The following LUC7L2 variants were observed in gnomAD, a reference collection of about 807,000 sequenced individuals.
LUC7L2 encodes the protein putative RNA-binding protein Luc7-like 2.
In LUC7L2, 25 loss-of-function variants were observed where a neutral mutation model predicts 52.8. The observed-to-expected ratio is 0.47, with a 90% CI of 0.34 to 0.66. LUC7L2 has a LOEUF of 0.66. Among genes scored for constraint, LUC7L2 ranks in the 30% least tolerant of loss-of-function variants. LUC7L2 has a pLI of 0.01. For synonymous variants in LUC7L2, 144 were observed against 160.9 expected, an observed-to-expected ratio of 0.89 and a Z score of 0.80; for missense variants, 328 against 497.8, an observed-to-expected ratio of 0.66 and a Z score of 3.25.
intron 1 of LUC7L2, among the ~76,000 whole-genome samples, chr7:139,361,647 T>G (rs1162663294): frequency 6.6e-6 from 1 of 152,238 alleles, no homozygotes; most frequent in Non-Finnish European, 1.5e-5. Flanking sequence ...GAGTTTTGTA[T>G]GGAAAGTTAA....
intron 8 of LUC7L2, chr7:139,417,176 G>A (rs1795659598): frequency 5.7e-6 from 1 of 175,472 alleles, no homozygotes; most frequent in Non-Finnish European, 1.2e-5. Flanking sequence ...GAGTAGCTGG[G>A]ACTACAGGCA....
intron 7 of LUC7L2, among the ~76,000 whole-genome samples, chr7:139,411,214 T>C (rs1795346894): frequency 6.6e-6 from 1 of 152,242 alleles, no homozygotes; most frequent in Non-Finnish European, 1.5e-5. Context: ...AATGGCAAGT[T>C]TCTTTTGACA....
At chr7:139,351,454 T>G (rs1563251136) in intron 1 of LUC7L2, among the ~76,000 whole-genome samples, 1 of 152,240 alleles carries the variant, frequency 6.6e-6, no homozygotes. Context: ...GCTATCCTAG[T>G]GTAGACCTCT....
intron 5 of LUC7L2, 116 bp from the exon 6 acceptor site, chr7:139,407,058 A>C: frequency 3.5e-6 from 3 of 849,194 alleles, no homozygotes; most frequent in South Asian, 4.9e-5. Flanking sequence ...CACCGTGCCC[A>C]GCCACTTTTG....
chr7:139,412,808 G>C, intron 8 of LUC7L2: 33 of 138,964 alleles, frequency 2.4e-4, no homozygotes, highest in East Asian at 1.1e-3. Context: ...CTGGGCAACA[G>C]AATAGGACTC....
intron 2 of LUC7L2, among the ~76,000 whole-genome samples, chr7:139,376,358 T>A (rs553545360): frequency 1.4e-4 from 22 of 152,360 alleles, no homozygotes; most frequent in Admixed American, 1.2e-3. Context: ...GTTTTATAAT[T>A]TTTTCCATTC....
chr7:139,395,331 G>A (rs1375924217), intron 2 of LUC7L2, among the ~76,000 whole-genome samples: 2 of 152,038 alleles, frequency 1.3e-5, no homozygotes, highest in Non-Finnish European at 2.9e-5. Context: ...TGTTTAATGA[G>A]CACCTTTTAA....
chr7:139,353,885 C>T (rs1050637037), intron 1 of LUC7L2, among the ~76,000 whole-genome samples: 1 of 152,022 alleles, frequency 6.6e-6, no homozygotes, highest in African/African-American at 2.4e-5. Flanking sequence ...GAGGTCGAGG[C>T]AGGCGGATTG....
At chr7:139,402,018 G>A (rs1376394500) in intron 3 of LUC7L2, 119 bp from the exon 4 acceptor site, 2 of 1,072,650 alleles carry the variant, frequency 1.9e-6, no homozygotes, top group South Asian at 1.8e-5. Flanking sequence ...AATTACTGAC[G>A]TGAGCCACCG....
intron 9 of LUC7L2, among the ~76,000 whole-genome samples, chr7:139,419,130 C>CAAA (rs571694948): frequency 0.022 from 3,006 of 139,320 alleles, 37 homozygotes; most frequent in South Asian, 0.065. Flanking sequence ...AAAAAACAAA[C>CAAA]AAAAAAAAAA....
chr7:139,421,727 GAA>G (rs142905504), intron 9 of LUC7L2, among the ~76,000 whole-genome samples: 2 of 152,188 alleles, frequency 1.3e-5, no homozygotes, highest in Non-Finnish European at 2.9e-5. Flanking sequence ...ATTCTAAAAA[GAA>G]AAGAACTGCC....
chr7:139,340,484 G>C, exon 1 of LUC7L2: 1 of 398,574 alleles, frequency 2.5e-6, no homozygotes, highest in East Asian at 3.6e-5. Flanking sequence ...GCGCGCGCCC[G>C]TTCAACGTCC....
intron 1 of LUC7L2, among the ~76,000 whole-genome samples, chr7:139,368,764 A>G (rs1326677696): frequency 6.6e-6 from 1 of 151,364 alleles, no homozygotes; most frequent in Non-Finnish European, 1.5e-5. Flanking sequence ...TAAAAAGTGC[A>G]TAAAGCATTA....
At chr7:139,409,365 T>G (rs1378219162) in intron 6 of LUC7L2, among the ~76,000 whole-genome samples, 198 bp from the exon 7 acceptor site, 3 of 151,926 alleles carry the variant, frequency 2.0e-5, no homozygotes, top group Non-Finnish European at 1.5e-5. Context: ...TTTACACATT[T>G]TCCACAAAAT....
chr7:139,359,602 A>T, upstream of LUC7L2: 1 of 388,224 alleles, frequency 2.6e-6, no homozygotes, highest in East Asian at 3.7e-5. Context: ...GCATTTTGCT[A>T]ATTTGGGTCT....
At chr7:139,388,017 T>C (rs895501975) in intron 2 of LUC7L2, among the ~76,000 whole-genome samples, 2 of 152,162 alleles carry the variant, frequency 1.3e-5, no homozygotes, top group Non-Finnish European at 2.9e-5. Context: ...TTCTTCTGCC[T>C]GCAATATTCT....
chr7:139,384,427 C>T (rs4732369), intron 2 of LUC7L2, among the ~76,000 whole-genome samples: 2 of 152,000 alleles, frequency 1.3e-5, no homozygotes, highest in South Asian at 4.2e-4. Flanking sequence ...CACCATGCCC[C>T]GCTAATTTCC....
At position 139,365,749 on chromosome 7, in the gene LUC7L2, G is replaced by C. The variant is rs558611580; in HGVS notation, c.61+5427G>C. Among the ~76,000 whole-genome samples the C allele has an allele frequency of 5.9e-5, 9 of 152,352 alleles. 1 individual carries two copies. The highest frequency in any genetic ancestry group is 1.3e-4 in the Admixed American group (2 of 15,306). On this transcript the variant is annotated intron_variant, in intron 1 of 9. Transcript: ENST00000354926. The stretch of plus-strand genomic sequence containing the variant: ...AAGCCTACTGCTGTTAGTATGTAGA[G>C]TTCTTGAGGAAACAAGCAGTTTGGC...
intron 3 of LUC7L2, 146 bp downstream of exon 3, chr7:139,398,843 T>A: frequency 1.7e-6 from 1 of 587,736 alleles, no homozygotes; most frequent in Non-Finnish European, 2.7e-6. Flanking sequence ...TCATGTACTT[T>A]CTTGACAACT....
Sources: allele counts gnomAD v4.1 joint callset (sites outside exome capture counted in the v4.1 genomes callset), GRCh38; gene constraint gnomAD v4.1.1; transcripts MANE v1.5; gene names NCBI Gene and HGNC (gene_info 2026-07-23, HGNC 2026-07-21).